The following STX7 variants were observed in gnomAD, a reference collection of about 807,000 sequenced individuals.
STX7 encodes syntaxin-7.
A neutral mutation model predicts 39.6 loss-of-function variants in STX7; 34 were observed. The ratio of observed to expected loss-of-function variants is 0.86; its 90% CI spans 0.65 to 1.14. The LOEUF (loss-of-function observed/expected upper bound fraction) is 1.14. Among genes scored for constraint, STX7 ranks in the 50% most tolerant of loss-of-function variants. STX7 has a pLI of 0.00. For synonymous variants in STX7, 119 were observed against 99.1 expected (o/e 1.20, Z -1.19); for missense variants, 284 against 310.4 (o/e 0.92, Z 0.64).
chr6:132,503,732 A>ACT, intron 1 of STX7, 144 bp from the exon 2 acceptor site: 1 of 406,046 alleles, frequency 2.5e-6, no homozygotes. Context: ...AAATAGCAAA[A>ACT]CTCTCATGTC....
chr6:132,478,768 C>T (rs1312936161), intron 2 of STX7, among the ~76,000 whole-genome samples: 3 of 152,136 alleles, frequency 2.0e-5, no homozygotes, highest in Non-Finnish European at 4.4e-5. Context: ...CTGTATATAC[C>T]TGCTTATATG....
chr6:132,469,884 C>A (rs545072725), intron 7 of STX7, 67 bp downstream of exon 7: 12 of 1,326,450 alleles, frequency 9.0e-6, no homozygotes, highest in African/African-American at 1.5e-5. Flanking sequence ...CCAGCATTAC[C>A]TAAGCATCTT....
intron 7 of STX7, among the ~76,000 whole-genome samples, chr6:132,469,613 A>G (rs1224040790): frequency 2.0e-5 from 3 of 152,174 alleles, no homozygotes; most frequent in African/African-American, 7.2e-5. Flanking sequence ...CAAGGCAGGC[A>G]GATCACTTGA....
chr6:132,455,297 T>C lies in STX7; in HGVS notation c.*5461A>G, dbSNP rs1244949288. On this transcript the variant is annotated 3_prime_UTR_variant, in exon 10 of 10. Transcript: ENST00000367941. ...AAAACTTTCAGAGGGCATTAAAAAG[T>C]GAAACTAGGTATCAGAAAAATCTTA... The C allele has an allele frequency of 6.6e-6, 1 of 152,188 alleles. No homozygotes were observed. Among genetic ancestry groups the C allele is most frequent in the Non-Finnish European group, 1.5e-5 (1 of 68,034 alleles). 9.4% of individuals were successfully genotyped at this position (152,188 alleles called of 1,614,324 possible).
At chr6:132,482,756 A>C (rs1775043273) in intron 2 of STX7, among the ~76,000 whole-genome samples, 2 of 152,280 alleles carry the variant, frequency 1.3e-5, no homozygotes, top group South Asian at 4.1e-4. Flanking sequence ...GTGGATCACA[A>C]GGATCCTTCT....
At chr6:132,509,916 C>T (rs73772522) in intron 1 of STX7, among the ~76,000 whole-genome samples, 2,822 of 152,304 alleles carry the variant, frequency 0.019, 75 homozygotes, top group African/African-American at 0.062. Context: ...AGAGCTGCTA[C>T]GCACTAAAGT....
Position 132,460,710 on chromosome 6 carries a change from C to G in STX7, c.*48G>C. 1 of 1,319,424 alleles carries G rather than the reference C, an allele frequency of 7.6e-7. No homozygotes were observed. 81.7% of individuals were successfully genotyped at this position (1,319,424 alleles called of 1,614,324 possible). On this transcript the variant is annotated 3_prime_UTR_variant, in exon 10 of 10. Coordinates refer to ENST00000367941, the MANE Select transcript of STX7 (RefSeq NM_003569.3). ...AAAAAAACATGATTACAGGAATCTT[C>G]CTACATAATTTAGACAATGTAGTGC... is the stretch of plus-strand genomic sequence containing the variant.
At chr6:132,477,477 G>A (rs72998845) in intron 2 of STX7, among the ~76,000 whole-genome samples, 13,682 of 151,874 alleles carry the variant, frequency 0.09, 798 homozygotes, top group East Asian at 0.16. Flanking sequence ...CTAACCATTT[G>A]GGCAGGGGAG....
chr6:132,469,507 T>A (rs1459072421), intron 7 of STX7, among the ~76,000 whole-genome samples: 1 of 152,144 alleles, frequency 6.6e-6, no homozygotes, highest in Non-Finnish European at 1.5e-5. Flanking sequence ...TTATTCCAAC[T>A]CATACATTAC....
At chr6:132,465,267 G>T (rs1160898347) in intron 8 of STX7, among the ~76,000 whole-genome samples, 1 of 152,196 alleles carries the variant, frequency 6.6e-6, no homozygotes, top group South Asian at 2.1e-4. Context: ...AATTTCAAGG[G>T]TCTCACTCTT....
chr6:132,468,907 T>C (rs967600243), intron 7 of STX7, among the ~76,000 whole-genome samples: 1 of 152,176 alleles, frequency 6.6e-6, no homozygotes, highest in Admixed American at 6.5e-5. Context: ...TAATAAAACA[T>C]TAGGTGTAAA....
In STX7 at chr6:132,460,513, CTT is replaced by C. The variant is rs1361404812; in HGVS notation, c.*243_*244del. The C allele has an allele frequency of 3.1e-6, 1 of 327,330 alleles. No individual in the cohort carries two copies. The highest frequency in any genetic ancestry group is 2.2e-5 in the African/African-American group (1 of 46,396). 20.3% of individuals were successfully genotyped at this position (327,330 alleles called of 1,614,324 possible). ...AAGGCATATGCAATGTGGGCAAAAA[CTT>C]AACAACTATTAAATTGAAGACCAAG... On this transcript the variant is annotated 3_prime_UTR_variant, in exon 10 of 10. Transcript: ENST00000367941.
At chr6:132,477,919 A>G (rs936507094) in intron 2 of STX7, among the ~76,000 whole-genome samples, 1 of 152,216 alleles carries the variant, frequency 6.6e-6, no homozygotes, top group Admixed American at 6.5e-5. Context: ...AAATGTGTAC[A>G]TAACAAAACT....
chr6:132,477,958 G>A (rs984802793), intron 2 of STX7, among the ~76,000 whole-genome samples: 2 of 152,006 alleles, frequency 1.3e-5, no homozygotes, highest in African/African-American at 2.4e-5. Context: ...AAACTTTTAT[G>A]TTTCTGATTG....
At chr6:132,512,644 T>G (rs569231961) in intron 1 of STX7, among the ~76,000 whole-genome samples, 1 of 152,354 alleles carries the variant, frequency 6.6e-6, no homozygotes, top group Non-Finnish European at 1.5e-5. Flanking sequence ...TCTGGATTCC[T>G]GAGCTGGGCC....
intron 2 of STX7, among the ~76,000 whole-genome samples, chr6:132,487,813 T>C (rs1353699831): frequency 6.6e-6 from 1 of 152,208 alleles, no homozygotes; most frequent in African/African-American, 2.4e-5. Context: ...TTCTATTTTT[T>C]TCATGTTCAG....
At chr6:132,503,681 GATTA>G (rs1775633617) in intron 1 of STX7, 93 bp from the exon 2 acceptor site, 2 of 521,060 alleles carry the variant, frequency 3.8e-6, no homozygotes, top group Admixed American at 7.0e-5. Flanking sequence ...GGACAAACTT[GATTA>G]ATCTAATAGA....
chr6:132,481,138 T>C (rs777526088), intron 2 of STX7, among the ~76,000 whole-genome samples: 4 of 152,174 alleles, frequency 2.6e-5, no homozygotes, highest in Non-Finnish European at 4.4e-5. Context: ...ATAGCAGCAG[T>C]GTGTCACGCA....
At chr6:132,503,359 A>G (rs1169849005) in intron 2 of STX7, 87 bp downstream of exon 2, 4 of 1,131,530 alleles carry the variant, frequency 3.5e-6, no homozygotes, top group East Asian at 2.4e-5. Flanking sequence ...CCCTCTCTCA[A>G]TCAGCAGAGT....
Sources: gnomAD v4.1 joint callset for allele counts (sites outside exome capture counted in the v4.1 genomes callset) on GRCh38, gnomAD v4.1.1 for gene constraint, MANE v1.5 for transcripts, NCBI Gene and HGNC (gene_info 2026-07-23, HGNC 2026-07-21) for gene names.